PCDHA8: variants seen among roughly 807,000 people sequenced by gnomAD.
The protein encoded by PCDHA8 is protocadherin alpha-8.
In PCDHA8, 53 loss-of-function variants were observed where a neutral mutation model predicts 61.8. The ratio of observed to expected loss-of-function variants is 0.86; its 90% CI spans 0.69 to 1.08. The LOEUF is 1.08. Among genes scored for constraint, PCDHA8 ranks in the 50% least tolerant of loss-of-function variants. The pLI, the probability that PCDHA8 is intolerant of heterozygous loss-of-function variation, is 0.00. For missense variants in PCDHA8, 1,293 were observed against 1,245.0 expected, an observed-to-expected ratio of 1.04 and a Z score of -0.58; for synonymous variants, 618 against 556.6, an observed-to-expected ratio of 1.11 and a Z score of -1.55.
chr5:140,921,694 A>G (rs1251407999), intron 1 of PCDHA8, among the ~76,000 whole-genome samples: 1 of 152,200 alleles, frequency 6.6e-6, no homozygotes, highest in Non-Finnish European at 1.5e-5. Context: ...TGGCCACCTC[A>G]ATTTTAAACA....
chr5:140,863,148 G>A (rs782014665), intron 1 of PCDHA8: 1 of 616,420 alleles, frequency 1.6e-6, no homozygotes, highest in Non-Finnish European at 3.1e-6. Context: ...TGCTGGTGAA[G>A]GACCACTGCG....
rs782061977 is a variant in PCDHA8 at position 140,870,205 on chromosome 5, A to C, written c.2394+26490A>C. 2.5e-6 allele frequency: 4 copies of C among 1,614,148 alleles called. No homozygotes were observed. The South Asian group carries it at 4.4e-5, about 18-fold the overall frequency. On this transcript the variant is annotated intron_variant, in intron 1 of 3. Transcript: ENST00000531613. Reference sequence around the variant, plus strand: ...AGAGGACGCTCAGCCCAGCACGGTCATTGCCCTGATCAGCGTGTCTGACCG... The same window carrying C: ...AGAGGACGCTCAGCCCAGCACGGTCCTTGCCCTGATCAGCGTGTCTGACCG...
chr5:141,007,722 A>G (rs559470783), intron 3 of PCDHA8, among the ~76,000 whole-genome samples: 30 of 152,290 alleles, frequency 2.0e-4, no homozygotes, highest in African/African-American at 6.5e-4. Flanking sequence ...ACCAGGGAGA[A>G]CAAAGGTTAA....
At chr5:140,874,890 C>A (rs150583747) in intron 1 of PCDHA8, among the ~76,000 whole-genome samples, 2 of 152,276 alleles carry the variant, frequency 1.3e-5, no homozygotes, top group Admixed American at 1.3e-4. Context: ...TCCTAACTTT[C>A]TCTAAAATCT....
chr5:140,891,235 G>T (rs186707439), intron 1 of PCDHA8, among the ~76,000 whole-genome samples: 48 of 152,092 alleles, frequency 3.2e-4, no homozygotes, highest in African/African-American at 1.1e-3. Flanking sequence ...TCCTGTTCTG[G>T]ATTCAGTAGG....
At chr5:140,983,257 A>C (rs2097036264) in intron 3 of PCDHA8, among the ~76,000 whole-genome samples, 1 of 152,214 alleles carries the variant, frequency 6.6e-6, no homozygotes, top group Non-Finnish European at 1.5e-5. Context: ...GTTGTGTAAA[A>C]AACCTAATGG....
chr5:140,842,075 T>C lies in PCDHA8; in HGVS notation c.754T>C (p.Phe252Leu), dbSNP rs1285752130. The C allele has an allele frequency of 3.1e-6, 5 of 1,613,720 alleles. No individual in the cohort carries two copies. The highest frequency in any genetic ancestry group is 1.7e-5 in the Admixed American group (1 of 59,980). ...ACAGTCTGAATACGAAGTAAGAATA[T>C]TCGAAAACGCAGACAACGGAACAAC... ...FEQSEYEVRI[F>L]ENADNGTTVI... is the part of the protein sequence containing the mutation. The change falls in exon 1 of 4, where the codon TTC becomes CTC. Residue 252 changes from phenylalanine to leucine, a missense_variant. Coordinates refer to ENST00000531613, the MANE Select transcript of PCDHA8 (RefSeq NM_018911.3).
At chr5:140,971,968 A>G (rs1049886222) in intron 1 of PCDHA8, among the ~76,000 whole-genome samples, 3 of 152,124 alleles carry the variant, frequency 2.0e-5, no homozygotes, top group Non-Finnish European at 4.4e-5. Flanking sequence ...CTTTTTTTCA[A>G]TACTATGAGT....
intron 1 of PCDHA8, among the ~76,000 whole-genome samples, chr5:140,956,765 C>T (rs2095308216): frequency 6.6e-6 from 1 of 152,134 alleles, no homozygotes; most frequent in Non-Finnish European, 1.5e-5. Flanking sequence ...AGCTGTAAAT[C>T]TGTCTGGTCC....
intron 1 of PCDHA8, chr5:140,875,350 T>G (rs1465566736): frequency 6.9e-7 from 1 of 1,444,966 alleles, no homozygotes; most frequent in African/African-American, 1.4e-5. Flanking sequence ...CCATAATGAC[T>G]GTGATGCTGG....
chr5:140,948,558 G>A (rs2094272533), intron 1 of PCDHA8, among the ~76,000 whole-genome samples: 2 of 151,514 alleles, frequency 1.3e-5, no homozygotes, highest in Admixed American at 1.3e-4. Flanking sequence ...ATTTTGTTAA[G>A]TTGTATTTTT....
intron 1 of PCDHA8, among the ~76,000 whole-genome samples, chr5:140,948,708 C>A (rs1376587735): frequency 6.6e-6 from 1 of 151,114 alleles, no homozygotes; most frequent in Non-Finnish European, 1.5e-5. Flanking sequence ...TGTGTTCTAT[C>A]CTCTTTTTTA....
At chr5:140,848,740 G>A (rs2150419221) in intron 1 of PCDHA8, 5 of 1,593,114 alleles carry the variant, frequency 3.1e-6, no homozygotes, top group East Asian at 2.2e-5. Context: ...CTGCAGAATG[G>A]CATTTTGTTT....
chr5:140,942,391 G>A (rs901640537), intron 1 of PCDHA8, among the ~76,000 whole-genome samples: 1 of 151,546 alleles, frequency 6.6e-6, no homozygotes, highest in Non-Finnish European at 1.5e-5. Context: ...CAGCCTGGGC[G>A]ACAGATGAGA....
At chr5:140,875,346 T>C in intron 1 of PCDHA8, 1 of 1,443,436 alleles carries the variant, frequency 6.9e-7, no homozygotes. Flanking sequence ...GACTCCATAA[T>C]GACTGTGATG....
intron 3 of PCDHA8, among the ~76,000 whole-genome samples, chr5:141,007,379 C>G (rs1178671835): frequency 7.1e-6 from 1 of 139,926 alleles, no homozygotes; most frequent in Non-Finnish European, 1.5e-5. Flanking sequence ...GATGGAACAC[C>G]ATCTCTACTA....
At chr5:140,949,405 AC>A (rs1554218939) in intron 1 of PCDHA8, among the ~76,000 whole-genome samples, 1 of 151,820 alleles carries the variant, frequency 6.6e-6, no homozygotes, top group African/African-American at 2.4e-5. Flanking sequence ...GTTAAAAATC[AC>A]CTATCATCAT....
At chr5:140,856,648 T>C in intron 1 of PCDHA8, 1 of 1,598,290 alleles carries the variant, frequency 6.3e-7, no homozygotes, top group Non-Finnish European at 8.6e-7. Context: ...AGCTGCTGGA[T>C]CGTGAAGAAA....
At chr5:140,850,526 G>A (rs2150487958) in intron 1 of PCDHA8, 8 of 1,598,220 alleles carry the variant, frequency 5.0e-6, no homozygotes, top group Admixed American at 1.7e-5. Context: ...AGGCGCCAAA[G>A]TCATCGTCGC....
Sources: allele counts gnomAD v4.1 joint callset (sites outside exome capture counted in the v4.1 genomes callset), GRCh38; gene constraint gnomAD v4.1.1; transcripts MANE v1.5; gene names NCBI Gene and HGNC (gene_info 2026-07-23, HGNC 2026-07-21).